Variants in VPS13A observed in about 807,000 individuals in gnomAD.
VPS13A encodes the protein intermembrane lipid transfer protein VPS13A.
VPS13A carries 264 observed loss-of-function variants against 390.9 expected under a neutral mutation model. The ratio of observed to expected loss-of-function variants is 0.68; its 90% CI spans 0.61 to 0.75. The LOEUF is 0.75. VPS13A is among the 30% of genes least tolerant of loss of function. The pLI, the probability that VPS13A is intolerant of heterozygous loss-of-function variation, is 0.00. For synonymous variants in VPS13A, 1,231 were observed against 1,227.1 expected (o/e 1.00, Z -0.07); for missense variants, 3,409 against 3,733.9 (o/e 0.91, Z 2.27).
chr9:77,230,756 A>T (rs1005256907), intron 17 of VPS13A, among the ~76,000 whole-genome samples: 3 of 152,138 alleles, frequency 2.0e-5, no homozygotes, highest in African/African-American at 7.2e-5. Flanking sequence ...ATGCAAAAAA[A>T]TAAGCTCAGA....
intron 3 of VPS13A, among the ~76,000 whole-genome samples, chr9:77,201,798 T>G (rs1296401001): frequency 6.6e-6 from 1 of 152,164 alleles, no homozygotes; most frequent in East Asian, 1.9e-4. Context: ...GGGGCCGATT[T>G]GAAAACTAAT....
In VPS13A at chr9:77,228,307, T is replaced by TA. The variant is rs756524531; in HGVS notation, c.1595+43_1595+44insA. The TA allele has an allele frequency of 2.6e-6, 4 of 1,519,676 alleles. No homozygotes were observed. The Admixed American group carries it at 7.6e-5, about 29-fold the overall frequency. 94.1% of individuals were successfully genotyped at this position (1,519,676 alleles called of 1,614,324 possible). On this transcript the variant is annotated intron_variant, in intron 17 of 71. Coordinates refer to ENST00000360280, the MANE Select transcript of VPS13A (RefSeq NM_033305.3). ...TTTTTTTATCATATATGAAAAAACT[T>TA]CACTGTGTTCTTAGACATTAGGTCA...
In VPS13A at chr9:77,290,497, C is replaced by T. The variant is rs1827585882; in HGVS notation, c.3340-2844C>T. 2.0e-5 allele frequency among the ~76,000 whole-genome samples: 3 copies of T among 151,952 alleles called. 1 individual carries two copies. In the South Asian group the frequency reaches 6.2e-4, roughly 32 times the overall value. On this transcript the variant is annotated intron_variant, in intron 31 of 71. Transcript: ENST00000360280. ...CTTTGCCTCTGTCTCCCTTTCTCTC[C>T]CCCACCCCCTGGCTCCCCTGTTTTC...
chr9:77,241,403 T>C (rs542698985), intron 19 of VPS13A, among the ~76,000 whole-genome samples: 1 of 151,974 alleles, frequency 6.6e-6, no homozygotes, highest in African/African-American at 2.4e-5. Flanking sequence ...TCTTTTTTGG[T>C]TTTGTATTTC....
At chr9:77,351,874 A>C (rs1415441157) in intron 53 of VPS13A, among the ~76,000 whole-genome samples, 1 of 152,212 alleles carries the variant, frequency 6.6e-6, no homozygotes, top group Non-Finnish European at 1.5e-5. Context: ...TCTCAAAAAA[A>C]ACAAACAAAA....
intron 17 of VPS13A, among the ~76,000 whole-genome samples, chr9:77,235,577 GTTCT>G (rs1216942981): frequency 6.6e-6 from 1 of 152,044 alleles, no homozygotes; most frequent in East Asian, 1.9e-4. Context: ...ATAAATTTGT[GTTCT>G]TTATCAAATT....
chr9:77,206,299 CTTA>C lies in VPS13A; in HGVS notation c.385+233_385+235del, dbSNP rs141045905. ...ATCTTAAGGCAAATAATATGTCTAG[CTTA>C]TTATTATTATTAGGTTTACATATTT... On this transcript the variant is annotated intron_variant, in intron 5 of 71. Coordinates refer to ENST00000360280, the MANE Select transcript of VPS13A (RefSeq NM_033305.3). Among the ~76,000 whole-genome samples the C allele has an allele frequency of 6.6e-3, 979 of 147,716 alleles. 8 individuals are homozygous for C. Among genetic ancestry groups the C allele is most frequent in the Middle Eastern group, 0.018 (5 of 282 alleles).
intron 46 of VPS13A, among the ~76,000 whole-genome samples, chr9:77,334,445 A>G (rs12343264): frequency 0.1 from 15,552 of 152,108 alleles, 829 homozygotes; most frequent in Middle Eastern, 0.13. Flanking sequence ...TCATTCCTTG[A>G]ACTTTCCTTT....
chr9:77,281,761 A>G, intron 27 of VPS13A, 106 bp from the exon 28 acceptor site: 1 of 646,326 alleles, frequency 1.5e-6, no homozygotes, highest in South Asian at 1.8e-5. Context: ...ATATATATGT[A>G]TATGAACAGC....
At chr9:77,239,698 A>G (rs1395831907) in intron 19 of VPS13A, among the ~76,000 whole-genome samples, 2 of 151,680 alleles carry the variant, frequency 1.3e-5, no homozygotes, top group Admixed American at 6.6e-5. Flanking sequence ...ATTTATATCT[A>G]CTTTTTGCAT....
intron 20 of VPS13A, among the ~76,000 whole-genome samples, chr9:77,249,669 T>G (rs1053255996): frequency 3.3e-5 from 5 of 152,218 alleles, no homozygotes; most frequent in Non-Finnish European, 7.3e-5. Context: ...ATGGCAGAGT[T>G]GGAACTAAAA....
rs547010734 is a variant in VPS13A, at chr9:77,315,609, T to G, written c.4630+139T>G. 3 of 871,406 alleles carry G rather than the reference T, an allele frequency of 3.4e-6. No individual in the cohort carries two copies. The African/African-American group carries it at 5.1e-5, about 15-fold the overall frequency. 54.0% of individuals were successfully genotyped at this position (871,406 alleles called of 1,614,324 possible). On this transcript the variant is annotated intron_variant, in intron 38 of 71. Transcript: ENST00000360280. ...TATTTTTCAGAGTAGAAGGAAAACCTTAATGTGTTTTCTTGGAGGATGTAT... is the reference window on the plus strand; with the variant it reads ...TATTTTTCAGAGTAGAAGGAAAACCGTAATGTGTTTTCTTGGAGGATGTAT...
intron 51 of VPS13A, among the ~76,000 whole-genome samples, chr9:77,344,625 G>C (rs1346025974): frequency 6.6e-6 from 1 of 152,106 alleles, no homozygotes; most frequent in Non-Finnish European, 1.5e-5. Context: ...CGGGCGTGGT[G>C]GCGGGTGCCT....
intron 69 of VPS13A, among the ~76,000 whole-genome samples, chr9:77,403,809 CAG>C (rs1299212521): frequency 6.6e-6 from 1 of 152,040 alleles, no homozygotes; most frequent in African/African-American, 2.4e-5. Flanking sequence ...GGCATAGCCT[CAG>C]AGGGGCAAGT....
intron 67 of VPS13A, among the ~76,000 whole-genome samples, chr9:77,379,468 G>A (rs1237748530): frequency 4.6e-5 from 7 of 152,000 alleles, no homozygotes; most frequent in Admixed American, 3.9e-4. Context: ...TCGAACTTCC[G>A]ACCTCAGGTG....
At chr9:77,304,970 G>A (rs1283118400) in intron 34 of VPS13A, among the ~76,000 whole-genome samples, 4 of 146,326 alleles carry the variant, frequency 2.7e-5, no homozygotes, top group Non-Finnish European at 4.5e-5. Flanking sequence ...ATGGAGTCTC[G>A]CTCTGTTGCC....
In VPS13A at chr9:77,407,539, G is replaced by A. The variant is rs780585322; in HGVS notation, c.9406G>A (p.Val3136Met). 6 of 1,612,000 alleles carry A rather than the reference G, an allele frequency of 3.7e-6. No homozygotes were observed. The highest frequency in any genetic ancestry group is 5.1e-6 in the Non-Finnish European group (6 of 1,178,520). The change falls in exon 71 of 72, where the codon GTG becomes ATG. Residue 3136 changes from valine to methionine, a missense_variant. Around this residue, in one of 5 missense-constraint regions of VPS13A, gnomAD observed 318 missense variants for 333.7 expected, o/e 0.95. Transcript: ENST00000360280. ...RRLRIEAKER[V>M]KSVFHAREFG... The stretch of plus-strand genomic sequence containing the variant: ...TTACATATTCTGTTTATAGGAACGA[G>A]TGAAGTCTGTATTTCATGCCAGAGA...
intron 26 of VPS13A, among the ~76,000 whole-genome samples, chr9:77,277,998 C>T (rs970984278): frequency 1.3e-5 from 2 of 152,100 alleles, no homozygotes; most frequent in African/African-American, 4.8e-5. Flanking sequence ...AAAAGTAAAC[C>T]AACGTGACAG....
At chr9:77,337,163 G>C in intron 46 of VPS13A, 92 bp from the exon 47 acceptor site, 1 of 1,191,422 alleles carries the variant, frequency 8.4e-7, no homozygotes, top group South Asian at 1.4e-5. Flanking sequence ...TATTATGAAA[G>C]GAGGTAAGTT....
Sources: allele counts gnomAD v4.1 joint callset (sites outside exome capture counted in the v4.1 genomes callset), GRCh38; gene constraint gnomAD v4.1.1; regional missense constraint gnomAD v4.1.1; transcripts MANE v1.5; gene names NCBI Gene and HGNC (gene_info 2026-07-23, HGNC 2026-07-21).